The following PGAP6 variants were observed in gnomAD, a reference collection of about 807,000 sequenced individuals.
PGAP6 encodes post-GPI attachment to proteins 6.
PGAP6 carries 62 observed loss-of-function variants against 68.4 expected under a neutral mutation model. The observed-to-expected ratio is 0.91, with a 90% CI of 0.74 to 1.12. The LOEUF is 1.12. Ranked by LOEUF, PGAP6 falls within the 50% of genes most tolerant of loss-of-function variation. The pLI, the probability that PGAP6 is intolerant of heterozygous loss-of-function variation, is 0.00. For synonymous variants in PGAP6, 575 were observed against 474.0 expected (o/e 1.21, Z -2.77); for missense variants, 1,188 against 1,068.5 (o/e 1.11, Z -1.56).
At chr16:373,396 C>T (rs1373881699) in intron 11 of PGAP6, among the ~76,000 whole-genome samples, 1 of 152,196 alleles carries the variant, frequency 6.6e-6, no homozygotes, top group African/African-American at 2.4e-5. Flanking sequence ...CCCAAGGACC[C>T]AGGGAGCATG....
upstream of PGAP6, among the ~76,000 whole-genome samples, chr16:386,475 C>G (rs187746485): frequency 2.0e-5 from 3 of 152,192 alleles, no homozygotes; most frequent in African/African-American, 7.2e-5. Context: ...ATGGGTCTCT[C>G]TCACTCTGTG....
rs752798057 is a variant in PGAP6, at chr16:372,649, G to A, written c.1981C>T (p.Pro661Ser). The A allele has an allele frequency of 9.3e-6, 15 of 1,612,292 alleles. No individual in the cohort carries two copies. Among genetic ancestry groups the A allele is most frequent in the Non-Finnish European group, 1.3e-5 (15 of 1,179,872 alleles). The stretch of plus-strand genomic sequence containing the variant: ...ATGATCACGAAGGCAAAGAGGCAGG[G>A]CCCCAGCATGTTCCACATGCCCCTG... ...DRRGMWNMLG[P>S]CLFAFVIMAS... The change falls in exon 12 of 13, where the codon CCC (proline) becomes TCC (serine). Residue 661 changes from proline (P) to serine (S), a missense_variant. Coordinates refer to ENST00000431232, the MANE Select transcript of PGAP6 (RefSeq NM_021259.3).
intron 1 of PGAP6, among the ~76,000 whole-genome samples, chr16:381,257 C>T (rs1298316539): frequency 6.6e-6 from 1 of 152,228 alleles, no homozygotes; most frequent in African/African-American, 2.4e-5. Flanking sequence ...AGCCATGACG[C>T]CCACGGGCCC....
upstream of PGAP6, among the ~76,000 whole-genome samples, chr16:382,717 G>C (rs908193234): frequency 6.8e-6 from 1 of 147,984 alleles, no homozygotes; most frequent in South Asian, 2.2e-4. Context: ...GCGTGGCACA[G>C]AGTCCAGAAG....
chr16:375,876 G>A (rs955018150), intron 6 of PGAP6, among the ~76,000 whole-genome samples: 2 of 152,158 alleles, frequency 1.3e-5, no homozygotes, highest in Non-Finnish European at 2.9e-5. Context: ...ACGGTGCACC[G>A]GGACCTTCCT....
chr16:380,885 G>C (rs2054431384), intron 1 of PGAP6, among the ~76,000 whole-genome samples: 1 of 152,206 alleles, frequency 6.6e-6, no homozygotes, highest in Non-Finnish European at 1.5e-5. Flanking sequence ...CTGGGGACGT[G>C]TGGGAACTTC....
chr16:380,156 A>C (rs1442567245), intron 1 of PGAP6, among the ~76,000 whole-genome samples: 1 of 152,196 alleles, frequency 6.6e-6, no homozygotes, highest in Non-Finnish European at 1.5e-5. Context: ...TCCATCTCCC[A>C]GGAACCCCTC....
rs188630065 is a variant in PGAP6, at chr16:371,381, G to C, written c.*606C>G. On this transcript the variant is annotated 3_prime_UTR_variant, in exon 13 of 13. Coordinates refer to ENST00000431232, the MANE Select transcript of PGAP6 (RefSeq NM_021259.3). Reference sequence around the variant, plus strand: ...CTCTTCTCAGGGACCCAAGGCTCCAGAGCCAGGAAAAAGGGAGGGGCGGGG... The same window carrying C: ...CTCTTCTCAGGGACCCAAGGCTCCACAGCCAGGAAAAAGGGAGGGGCGGGG... The C allele has an allele frequency of 3.5e-3, 539 of 152,962 alleles. 1 individual carries two copies. The highest frequency in any genetic ancestry group is 6.7e-3 in the Middle Eastern group (2 of 298). 9.5% of individuals were successfully genotyped at this position (152,962 alleles called of 1,614,324 possible).
At position 374,254 on chromosome 16, in the gene PGAP6, G is replaced by C; in HGVS notation, c.1722C>G (p.Ala574=). ...AGAACATGGTGTAGGCGTAGACGGA[G>C]GCCTCCACCAGGAAGAATCGCCGCA... ...VSVRRFFLVE[A]SVYAYTMFFS... Residue 574 remains alanine (A), a synonymous_variant, in exon 10 of 13, where the codon GCC becomes GCG. Transcript: ENST00000431232. 1 of 1,608,326 alleles carries C rather than the reference G, an allele frequency of 6.2e-7. No homozygotes were observed. Among genetic ancestry groups the C allele is most frequent in the Non-Finnish European group, 8.5e-7 (1 of 1,179,318 alleles).
At position 381,417 on chromosome 16, in the gene PGAP6, A is replaced by C. The variant is rs560625260; in HGVS notation, c.121+284T>G. The stretch of plus-strand genomic sequence containing the variant: ...CACTTCCCCGCGCCGGGCGCGCCGG[A>C]CCTGGGCGCTCTGGGAGGAGGAGGG... On this transcript the variant is annotated intron_variant, in intron 1 of 12. Coordinates refer to ENST00000431232, the MANE Select transcript of PGAP6 (RefSeq NM_021259.3). Among the ~76,000 whole-genome samples, 112 of 150,834 alleles carry C rather than the reference A, an allele frequency of 7.4e-4. 1 individual carries two copies. The highest frequency in any genetic ancestry group is 1.1e-3 in the Non-Finnish European group (76 of 67,848).
At chr16:382,342 G>C (rs1271095975), upstream of PGAP6, 1 of 387,364 alleles carries the variant, frequency 2.6e-6, no homozygotes, top group Non-Finnish European at 4.6e-6. Context: ...CCCGCGGGGG[G>C]CAGAGGCGCC....
chr16:374,451 G>C, intron 9 of PGAP6, 52 bp from the exon 10 acceptor site: 3 of 1,488,204 alleles, frequency 2.0e-6, no homozygotes, highest in Non-Finnish European at 2.7e-6. Context: ...TGAACCTCAG[G>C]GCCCACCCCT....
upstream of PGAP6, chr16:386,907 C>T (rs774389660): frequency 2.3e-5 from 14 of 613,266 alleles, no homozygotes; most frequent in African/African-American, 2.6e-4. Flanking sequence ...CTTCCAGCGG[C>T]CCAAGACACT....
rs958931616 is a variant in PGAP6, at chr16:381,890, AGCCTCTGCCGCCTCC to A, written c.-84_-70del. On this transcript the variant is annotated 5_prime_UTR_variant, in exon 1 of 13. Coordinates refer to ENST00000431232, the MANE Select transcript of PGAP6 (RefSeq NM_021259.3). Reference sequence around the variant, plus strand: ...CGCCGGCCCCCGCCGCCGCCCGGGCAGCCTCTGCCGCCTCCGCCTCTGCCGCCTCCGCCTCTGCCC... The same window carrying A: ...CGCCGGCCCCCGCCGCCGCCCGGGCAGCCTCTGCCGCCTCCGCCTCTGCCC... 560,453 of 978,220 alleles carry A rather than the reference AGCCTCTGCCGCCTCC, an allele frequency of 0.57. 163,356 individuals carry two copies. Among genetic ancestry groups the A allele is most frequent in the African/African-American group, 0.65 (36,437 of 56,164 alleles). 60.6% of individuals were successfully genotyped at this position (978,220 alleles called of 1,614,324 possible).
chr16:376,058 T>G (rs1482877984), intron 6 of PGAP6, 78 bp downstream of exon 6: 119 of 1,413,220 alleles, frequency 8.4e-5, no homozygotes, highest in Non-Finnish European at 1.1e-4. Flanking sequence ...CGTGCCAAGG[T>G]AAATGAGGAG....
Position 377,556 on chromosome 16 carries a change from A to T in PGAP6, c.329T>A (p.Ile110Asn). ...CGGGAAGCTGGTGCCCAGCGGGTTG[A>T]TGACCGGAGGGGCGCCGGAACGGAA... ...VHFRSGAPPV[I>N]NPLGTSFPDD... is the part of the protein sequence containing the mutation. Residue 110 changes from isoleucine (I) to asparagine (N), a missense_variant, in exon 3 of 13, where the codon ATC becomes AAC. Physicochemically the swap from Ile to Asn is moderately radical, Grantham distance 149. Transcript: ENST00000431232. 1 of 1,585,652 alleles carries T rather than the reference A, an allele frequency of 6.3e-7. No homozygotes were observed. Among genetic ancestry groups the T allele is most frequent in the Non-Finnish European group, 8.6e-7 (1 of 1,166,592 alleles).
chr16:386,849 G>T, upstream of PGAP6: 1 of 688,976 alleles, frequency 1.5e-6, no homozygotes, highest in Non-Finnish European at 2.6e-6. Context: ...AGGCAGCGTT[G>T]AAAGGTGTCC....
At chr16:386,849 GA>G, upstream of PGAP6, 1 of 688,960 alleles carries the variant, frequency 1.5e-6, no homozygotes, top group Admixed American at 1.8e-5. Flanking sequence ...AGGCAGCGTT[GA>G]AAGGTGTCCA....
intron 1 of PGAP6, among the ~76,000 whole-genome samples, chr16:378,176 C>T (rs2054403931): frequency 6.7e-6 from 1 of 150,054 alleles, no homozygotes; most frequent in Non-Finnish European, 1.5e-5. Flanking sequence ...ACCCGCACTG[C>T]CATCCCCACC....
Sources: allele counts gnomAD v4.1 joint callset (sites outside exome capture counted in the v4.1 genomes callset), GRCh38; gene constraint gnomAD v4.1.1; transcripts MANE v1.5; gene names NCBI Gene and HGNC (gene_info 2026-07-23, HGNC 2026-07-21).